The following ARL15 variants were observed in gnomAD, a reference collection of about 807,000 sequenced individuals.
ARL15 encodes the protein ADP-ribosylation factor-like protein 15.
A neutral mutation model predicts 25.2 loss-of-function variants in ARL15; 19 were observed. That is an observed-to-expected ratio of 0.75 (90% CI 0.53 to 1.10). The LOEUF is 1.10. ARL15 is among the 50% of genes least tolerant of loss of function. The probability of loss-of-function intolerance (pLI) is 0.00; values close to 1 mark genes in which losing one functional copy is unlikely to be tolerated. For missense variants in ARL15, 220 were observed against 246.0 expected (o/e 0.89, Z 0.71); for synonymous variants, 94 against 86.8 (o/e 1.08, Z -0.46).
chr5:53,959,778 C>T (rs1205728817), intron 4 of ARL15, among the ~76,000 whole-genome samples: 2 of 152,162 alleles, frequency 1.3e-5, no homozygotes, highest in Non-Finnish European at 2.9e-5. Context: ...CCTCCTCCCT[C>T]CTCACTCCCT....
At chr5:54,273,513 T>C (rs1026740869) in intron 1 of ARL15, among the ~76,000 whole-genome samples, 5 of 152,162 alleles carry the variant, frequency 3.3e-5, no homozygotes, top group Admixed American at 6.5e-5. Context: ...AGTTGAGAAA[T>C]TATTCCAGAT....
At chr5:54,094,638 C>T (rs548891031) in intron 4 of ARL15, among the ~76,000 whole-genome samples, 1 of 152,156 alleles carries the variant, frequency 6.6e-6, no homozygotes, top group South Asian at 2.1e-4. Flanking sequence ...TTACCTACCT[C>T]TAAAAGAGAA....
At chr5:54,252,514 G>C (rs1447183603) in intron 1 of ARL15, among the ~76,000 whole-genome samples, 3 of 152,150 alleles carry the variant, frequency 2.0e-5, no homozygotes, top group Non-Finnish European at 4.4e-5. Context: ...ATTTAACAAA[G>C]GACAAGATTT....
At chr5:54,307,853 C>T (rs1480295594) in intron 1 of ARL15, 2 of 152,122 alleles carry the variant, frequency 1.3e-5, no homozygotes, top group African/African-American at 4.8e-5. Flanking sequence ...TGACACACAC[C>T]ATCATTCTTG....
At chr5:53,974,686 A>T (rs1327648034) in intron 4 of ARL15, among the ~76,000 whole-genome samples, 3 of 152,234 alleles carry the variant, frequency 2.0e-5, no homozygotes, top group Non-Finnish European at 1.5e-5. Context: ...TAAAGAACAA[A>T]AACTATGTCC....
At chr5:54,240,919 A>C (rs1219634392) in intron 1 of ARL15, among the ~76,000 whole-genome samples, 1 of 152,154 alleles carries the variant, frequency 6.6e-6, no homozygotes, top group Non-Finnish European at 1.5e-5. Flanking sequence ...AAAAATCCAA[A>C]AGCCAAAACA....
At chr5:54,290,685 T>G (rs1239909046) in intron 1 of ARL15, among the ~76,000 whole-genome samples, 1 of 152,222 alleles carries the variant, frequency 6.6e-6, no homozygotes, top group African/African-American at 2.4e-5. Context: ...TGCCATGCAT[T>G]GTCCATTAGG....
chr5:54,214,115 G>A (rs567067333), intron 1 of ARL15, among the ~76,000 whole-genome samples: 28 of 152,204 alleles, frequency 1.8e-4, no homozygotes, highest in East Asian at 1.5e-3. Context: ...GAAAAAAGGA[G>A]AGAAGGAAGG....
intron 4 of ARL15, among the ~76,000 whole-genome samples, chr5:53,919,389 C>T (rs1319874437): frequency 6.6e-6 from 1 of 152,164 alleles, no homozygotes; most frequent in Non-Finnish European, 1.5e-5. Flanking sequence ...CACTAGCTAC[C>T]CCTTGTAAAA....
chr5:54,143,812 T>A (rs1228535594), intron 3 of ARL15, among the ~76,000 whole-genome samples: 1 of 152,120 alleles, frequency 6.6e-6, no homozygotes, highest in Non-Finnish European at 1.5e-5. Context: ...TTCCCTAAGA[T>A]AATTTATTAT....
At chr5:53,940,504 G>A (rs918270043) in intron 4 of ARL15, among the ~76,000 whole-genome samples, 3 of 152,156 alleles carry the variant, frequency 2.0e-5, no homozygotes, top group African/African-American at 4.8e-5. Context: ...TGGAAGTTAC[G>A]TATATTTGAA....
At chr5:54,153,849 G>A (rs1389850757) in intron 3 of ARL15, among the ~76,000 whole-genome samples, 1 of 152,074 alleles carries the variant, frequency 6.6e-6, no homozygotes, top group East Asian at 1.9e-4. Context: ...AACAAGGTAA[G>A]GCCAATATCA....
chr5:54,262,151 T>C (rs6889727), intron 1 of ARL15, among the ~76,000 whole-genome samples: 5,920 of 152,108 alleles, frequency 0.039, 258 homozygotes, highest in African/African-American at 0.1. Context: ...AACATCACCC[T>C]CCCACACACA....
intron 4 of ARL15, among the ~76,000 whole-genome samples, chr5:53,971,374 G>C (rs1468935593): frequency 6.6e-6 from 1 of 152,138 alleles, no homozygotes; most frequent in Non-Finnish European, 1.5e-5. Flanking sequence ...GTTTGAAAGA[G>C]AGAAAACTTG....
At chr5:54,228,489 C>T (rs758401607) in intron 1 of ARL15, among the ~76,000 whole-genome samples, 2 of 150,004 alleles carry the variant, frequency 1.3e-5, no homozygotes, top group Non-Finnish European at 3.0e-5. Context: ...AGGACTGACC[C>T]CCCCACCCCC....
chr5:54,072,022 C>T (rs1201839680), intron 4 of ARL15, among the ~76,000 whole-genome samples: 1 of 150,022 alleles, frequency 6.7e-6, no homozygotes, highest in Non-Finnish European at 1.5e-5. Context: ...AAGAGCTACA[C>T]ATTGACTATA....
At chr5:54,260,858 G>A (rs1020570691) in intron 1 of ARL15, among the ~76,000 whole-genome samples, 12 of 152,082 alleles carry the variant, frequency 7.9e-5, no homozygotes, top group African/African-American at 2.9e-4. Context: ...TCCTATACTC[G>A]ATCATTAATT....
intron 4 of ARL15, among the ~76,000 whole-genome samples, chr5:54,075,832 A>G (rs1751581049): frequency 6.6e-6 from 1 of 152,162 alleles, no homozygotes; most frequent in South Asian, 2.1e-4. Context: ...TTAATCTTGT[A>G]TTTAAGTTAT....
At chr5:54,258,463 A>G (rs918204717) in intron 1 of ARL15, among the ~76,000 whole-genome samples, 14 of 152,224 alleles carry the variant, frequency 9.2e-5, no homozygotes, top group African/African-American at 3.4e-4. Flanking sequence ...ATAGAGAAAA[A>G]TCAAGGTGCT....
Sources: allele counts gnomAD v4.1 joint callset (sites outside exome capture counted in the v4.1 genomes callset), GRCh38; gene constraint gnomAD v4.1.1; transcripts MANE v1.5; gene names NCBI Gene and HGNC (gene_info 2026-07-23, HGNC 2026-07-21).